CHRNA7: variants seen among roughly 807,000 people sequenced by gnomAD.
CHRNA7 encodes the protein neuronal acetylcholine receptor subunit alpha-7.
CHRNA7 carries 17 observed loss-of-function variants against 48.0 expected under a neutral mutation model. The observed-to-expected ratio is 0.35, with a 90% CI of 0.24 to 0.53. The LOEUF (loss-of-function observed/expected upper bound fraction) is 0.53. Ranked by LOEUF, CHRNA7 falls within the 20% of genes least tolerant of loss-of-function variation. CHRNA7 has a pLI of 0.92. For synonymous variants in CHRNA7, 75 were observed against 242.3 expected (o/e 0.31, Z 6.41); for missense variants, 155 against 577.7 (o/e 0.27, Z 7.50).
intron 2 of CHRNA7, among the ~76,000 whole-genome samples, chr15:32,089,142 G>T (rs1351565375): frequency 6.6e-6 from 1 of 151,992 alleles, no homozygotes; most frequent in Admixed American, 6.6e-5. Context: ...ATTTTACTTG[G>T]TGTCTACTGA....
chr15:32,085,699 A>G (rs2050284270), intron 2 of CHRNA7, among the ~76,000 whole-genome samples: 1 of 152,226 alleles, frequency 6.6e-6, no homozygotes, highest in African/African-American at 2.4e-5. Flanking sequence ...TTCCAGGAGG[A>G]CACCTGATAG....
chr15:32,127,014 C>T lies in CHRNA7; in HGVS notation c.350+15115C>T, dbSNP rs564340501. 6.5e-4 allele frequency among the ~76,000 whole-genome samples: 99 copies of T among 152,244 alleles called. 1 individual carries two copies. Among genetic ancestry groups the T allele is most frequent in the Middle Eastern group, 3.4e-3 (1 of 294 alleles). Reference sequence around the variant, plus strand: ...CAAATTAAGATAAAGAACTGTTCCACGACTGTAAAGATCTCTTGCACTATA... The same window carrying T: ...CAAATTAAGATAAAGAACTGTTCCATGACTGTAAAGATCTCTTGCACTATA... On this transcript the variant is annotated intron_variant, in intron 4 of 9. Coordinates refer to ENST00000306901, the MANE Select transcript of CHRNA7 (RefSeq NM_000746.6).
intron 4 of CHRNA7, among the ~76,000 whole-genome samples, chr15:32,150,396 A>T (rs2051600279): frequency 6.6e-6 from 1 of 152,286 alleles, no homozygotes; most frequent in African/African-American, 2.4e-5. Flanking sequence ...ACTGAGGGTG[A>T]TTGATGGGGG....
chr15:32,166,527 A>ATGT (rs1405597592), intron 9 of CHRNA7: 5 of 152,276 alleles, frequency 3.3e-5, no homozygotes, highest in Non-Finnish European at 7.3e-5. Flanking sequence ...CTTTGATAAG[A>ATGT]TGTTATAAAA....
chr15:32,040,792 T>C (rs567513623), intron 2 of CHRNA7, among the ~76,000 whole-genome samples: 1 of 152,228 alleles, frequency 6.6e-6, no homozygotes, highest in African/African-American at 2.4e-5. Context: ...AATTTAGATA[T>C]GACTTTCAAC....
At chr15:32,049,182 T>C (rs933623512) in intron 2 of CHRNA7, among the ~76,000 whole-genome samples, 2 of 151,918 alleles carry the variant, frequency 1.3e-5, no homozygotes, top group Non-Finnish European at 2.9e-5. Context: ...CAGAGCTGAG[T>C]TCAGTTCCTG....
rs368352998 is a variant in CHRNA7, at chr15:32,030,985, C to G, written c.143C>G (p.Ser48Trp). The change falls in exon 2 of 10, where the codon TCG becomes TGG. Residue 48 changes from serine (S) to tryptophan (W), a missense_variant. Physicochemically the swap from Ser to Trp is radical, Grantham distance 177. Coordinates refer to ENST00000306901, the MANE Select transcript of CHRNA7 (RefSeq NM_000746.6). The stretch of plus-strand genomic sequence containing the variant: ...TTGGAGAGGCCCGTGGCCAATGACT[C>G]GCAACCACTCACCGTCTACTTCTCC... Reference protein sequence around the residue: ...NPLERPVANDSQPLTVYFSLS... With the variant: ...NPLERPVANDWQPLTVYFSLS... The G allele has an allele frequency of 2.5e-6, 4 of 1,614,096 alleles. No homozygotes were observed. The highest frequency in any genetic ancestry group is 3.4e-6 in the Non-Finnish European group (4 of 1,180,038).
chr15:32,037,122 G>A (rs572987223), intron 2 of CHRNA7, among the ~76,000 whole-genome samples: 3 of 152,206 alleles, frequency 2.0e-5, no homozygotes, highest in South Asian at 2.1e-4. Flanking sequence ...TGTAAGGTCC[G>A]TGTCTACATT....
At chr15:32,124,457 T>C (rs1301147276) in intron 4 of CHRNA7, among the ~76,000 whole-genome samples, 1 of 152,170 alleles carries the variant, frequency 6.6e-6, no homozygotes, top group African/African-American at 2.4e-5. Context: ...TATGCTTACA[T>C]GGAATGAAAT....
At position 32,170,576 on chromosome 15, in the gene CHRNA7, A is replaced by G. The variant is rs1351045615; in HGVS notation, c.*2118A>G. Reference sequence around the variant, plus strand: ...AGAAACCTTTTTGGTTTTGTATTTTATACAGGAACACAAAATGCAAACAAG... The same window carrying G: ...AGAAACCTTTTTGGTTTTGTATTTTGTACAGGAACACAAAATGCAAACAAG... On this transcript the variant is annotated 3_prime_UTR_variant, in exon 10 of 10. Coordinates refer to ENST00000306901, the MANE Select transcript of CHRNA7 (RefSeq NM_000746.6). 2.7e-5 allele frequency: 4 copies of G among 146,434 alleles called. No individual in the cohort carries two copies. Among genetic ancestry groups the G allele is most frequent in the Non-Finnish European group, 6.1e-5 (4 of 66,068 alleles). The allele number at this position is 146,434 out of a possible 1,614,324, so 9.1% of individuals were successfully genotyped here.
chr15:32,091,807 C>A (rs1246430025), intron 2 of CHRNA7, among the ~76,000 whole-genome samples: 1 of 152,166 alleles, frequency 6.6e-6, no homozygotes, highest in East Asian at 1.9e-4. Flanking sequence ...ATGTTCTTTT[C>A]AATTTCCTCT....
At chr15:32,124,146 G>A (rs1415438362) in intron 4 of CHRNA7, among the ~76,000 whole-genome samples, 1 of 152,092 alleles carries the variant, frequency 6.6e-6, no homozygotes, top group Non-Finnish European at 1.5e-5. Flanking sequence ...TGTATATACA[G>A]AAGGTAGATT....
intron 2 of CHRNA7, among the ~76,000 whole-genome samples, chr15:32,059,234 C>T (rs28583621): frequency 0.017 from 2,519 of 152,182 alleles, 64 homozygotes; most frequent in African/African-American, 0.058. Flanking sequence ...GAACTCCTGA[C>T]GTCAGGTGAT....
intron 2 of CHRNA7, among the ~76,000 whole-genome samples, chr15:32,063,870 A>G (rs1033902398): frequency 6.6e-6 from 1 of 152,226 alleles, no homozygotes; most frequent in South Asian, 2.1e-4. Context: ...TTCAATAGCT[A>G]TCAACTAGAG....
chr15:32,103,426 AG>A (rs1160251688), intron 3 of CHRNA7, among the ~76,000 whole-genome samples: 10 of 143,242 alleles, frequency 7.0e-5, no homozygotes, highest in African/African-American at 1.6e-4. Flanking sequence ...AAAAAAAAAA[AG>A]AAAGAAAAAG....
rs138660156 is a variant in CHRNA7 at position 32,114,441 on chromosome 15, G to C, written c.350+2542G>C. Among the ~76,000 whole-genome samples, 75 of 152,102 alleles carry C rather than the reference G, an allele frequency of 4.9e-4. No individual in the cohort carries two copies. The East Asian group carries it at 0.014, about 28-fold the overall frequency. ...CCAGCTGCCGGTGCAGAACCCCATC[G>C]CTCACACATCTGTTGAGCTCTACTG... On this transcript the variant is annotated intron_variant, in intron 4 of 9. Transcript: ENST00000306901.
In CHRNA7 at chr15:32,090,464, C is replaced by G. The variant is rs2050365272; in HGVS notation, c.196-10839C>G. ...CTCTCATTCATTGCTGGTTCACACT[C>G]AGCAACCAGAGATTCACTGAAATTA... On this transcript the variant is annotated intron_variant, in intron 2 of 9. Coordinates refer to ENST00000306901, the MANE Select transcript of CHRNA7 (RefSeq NM_000746.6). 2.0e-5 allele frequency among the ~76,000 whole-genome samples: 3 copies of G among 152,196 alleles called. No homozygotes were observed. In the South Asian group the frequency reaches 6.2e-4, roughly 32 times the overall value.
chr15:32,030,508 G>T (rs1323863386), upstream of CHRNA7: 3 of 1,288,070 alleles, frequency 2.3e-6, no homozygotes, highest in South Asian at 2.1e-5. Context: ...GAGCCGAGCG[G>T]CGAGGTGCCT....
intron 2 of CHRNA7, among the ~76,000 whole-genome samples, chr15:32,083,726 A>T (rs2141235811): frequency 6.6e-6 from 1 of 152,338 alleles, no homozygotes. Context: ...AGTGGCTCAT[A>T]TATAACAAAA....
Sources: allele counts gnomAD v4.1 joint callset (sites outside exome capture counted in the v4.1 genomes callset), GRCh38; gene constraint gnomAD v4.1.1; transcripts MANE v1.5; gene names NCBI Gene and HGNC (gene_info 2026-07-23, HGNC 2026-07-21).